MGAT3: variants seen among roughly 807,000 people sequenced by gnomAD.
MGAT3 encodes the protein beta-1,4-mannosyl-glycoprotein 4-beta-N-acetylglucosaminyltransferase.
MGAT3 carries 9 observed loss-of-function variants against 29.8 expected under a neutral mutation model. That is an observed-to-expected ratio of 0.30 (90% CI 0.18 to 0.53). The LOEUF is 0.53. Ranked by LOEUF, MGAT3 falls within the 20% of genes least tolerant of loss-of-function variation. The pLI is 0.96. For missense variants in MGAT3, 557 were observed against 769.5 expected, an observed-to-expected ratio of 0.72 and a Z score of 3.27; for synonymous variants, 397 against 348.9, an observed-to-expected ratio of 1.14 and a Z score of -1.54.
At position 39,457,907 on chromosome 22, in the gene MGAT3, C is replaced by T. The variant is rs1928383129; in HGVS notation, c.-2+350C>T. 6.6e-6 allele frequency among the ~76,000 whole-genome samples: 1 copy of T among 151,674 alleles called. No individual in the cohort carries two copies. The highest frequency in any genetic ancestry group is 2.4e-5 in the African/African-American group (1 of 41,380). On this transcript the variant is annotated intron_variant, in intron 1 of 1. Transcript: ENST00000341184. This position sits in a 1 kb window ranked among gnomAD's most constrained non-coding sequence, Gnocchi z 6.8. ...TGCTTTGTGCGCGGCACCCCCCAGC[C>T]TCCGGCGCGGCTCCCCCACAACCTC...
At chr22:39,469,383 A>G (rs1928745503) in intron 1 of MGAT3, among the ~76,000 whole-genome samples, 1 of 152,138 alleles carries the variant, frequency 6.6e-6, no homozygotes. Context: ...CCCAAAGCCC[A>G]TGCCCACTGC....
rs987117616 is a variant in MGAT3, at chr22:39,457,520, C to CGCT, written c.-33_-31dup. On this transcript the variant is annotated 5_prime_UTR_variant, in exon 1 of 2. Coordinates refer to ENST00000341184, the MANE Select transcript of MGAT3 (RefSeq NM_002409.5). The surrounding 1 kb of genome is among the most constrained non-coding windows in gnomAD (Gnocchi z 6.8). ...CCGGGGGCCGCGGAGCCGCCGCCGC[C>CGCT]GCTGCTGCCGCCGTTGCTGAGACCC... The CGCT allele has an allele frequency of 2.1e-4, 32 of 150,288 alleles. No individual in the cohort carries two copies. Among genetic ancestry groups the CGCT allele is most frequent in the African/African-American group, 7.3e-4 (30 of 41,208 alleles). 9.3% of individuals were successfully genotyped at this position (150,288 alleles called of 1,614,324 possible). A position where few individuals can be genotyped will look rare whatever the true frequency, so the allele number is the denominator to read the frequency against.
chr22:39,489,250 C>G lies in MGAT3; in HGVS notation c.*301C>G, dbSNP rs73420207. ...AGTGTGCGTGGTGGTCCCTGGGTAG[C>G]GGGGGAGGGTAGGCAGGATTGGGGA... is the stretch of plus-strand genomic sequence containing the variant. On this transcript the variant is annotated 3_prime_UTR_variant, in exon 2 of 2. Transcript: ENST00000341184. The G allele has an allele frequency of 2.4e-6, 1 of 411,138 alleles. No individual in the cohort carries two copies. The highest frequency in any genetic ancestry group is 4.5e-6 in the Non-Finnish European group (1 of 220,722). The allele number at this position is 411,138 out of a possible 1,614,324, so 25.5% of individuals were successfully genotyped here.
At position 39,488,200 on chromosome 22, in the gene MGAT3, G is replaced by A. The variant is rs779690288; in HGVS notation, c.853G>A (p.Gly285Ser). The A allele has an allele frequency of 3.1e-6, 5 of 1,612,674 alleles. No individual in the cohort carries two copies. The highest frequency in any genetic ancestry group is 4.2e-6 in the Non-Finnish European group (5 of 1,179,940). The change falls in exon 2 of 2, where the codon GGC becomes AGC. Residue 285 changes from glycine (G) to serine (S), a missense_variant. Gly to Ser is a moderately conservative substitution (Grantham distance 56). Around this residue, in one of 3 missense-constraint regions of MGAT3, gnomAD observed 243 missense variants for 444.0 expected, o/e 0.55. Transcript: ENST00000341184. ...DHFPPGGRQD[G>S]WIADDYLRTF... Reference sequence around the variant, plus strand: ...CTTCCCGCCCGGCGGCCGGCAGGACGGCTGGATCGCCGACGACTACCTGCG... The same window carrying A: ...CTTCCCGCCCGGCGGCCGGCAGGACAGCTGGATCGCCGACGACTACCTGCG...
Position 39,488,260 on chromosome 22 carries a change from C to G in MGAT3, c.913C>G (p.Arg305Gly). The change falls in exon 2 of 2, where the codon CGC becomes GGC. Residue 305 changes from arginine (R) to glycine (G), a missense_variant. This residue lies in a region of MGAT3 where 243 missense variants were observed against 444.0 expected (regional missense o/e 0.55). Coordinates refer to ENST00000341184, the MANE Select transcript of MGAT3 (RefSeq NM_002409.5). ...FLTQDGVSRL[R>G]NLRPDDVFII... The stretch of plus-strand genomic sequence containing the variant: ...CACCCAGGACGGCGTCTCGCGGCTG[C>G]GCAACCTGCGGCCCGACGACGTCTT... 6.2e-7 allele frequency: 1 copy of G among 1,611,440 alleles called. No individual in the cohort carries two copies. Among genetic ancestry groups the G allele is most frequent in the Non-Finnish European group, 8.5e-7 (1 of 1,179,886 alleles).
At chr22:39,463,971 C>G (rs1928566677) in intron 1 of MGAT3, among the ~76,000 whole-genome samples, 1 of 151,750 alleles carries the variant, frequency 6.6e-6, no homozygotes. Context: ...CTGTGCATTC[C>G]AAGAGCCAGT....
At chr22:39,480,551 C>T (rs753044672) in intron 1 of MGAT3, among the ~76,000 whole-genome samples, 1 of 152,180 alleles carries the variant, frequency 6.6e-6, no homozygotes, top group Non-Finnish European at 1.5e-5. Context: ...TATCCCACCC[C>T]GCCCATCCCT....
intron 1 of MGAT3, among the ~76,000 whole-genome samples, chr22:39,469,947 G>A (rs1928761937): frequency 6.6e-6 from 1 of 152,242 alleles, no homozygotes; most frequent in African/African-American, 2.4e-5. Context: ...CTTGCAGGCT[G>A]GGCCTGCACC....
chr22:39,472,352 C>G (rs890925688), intron 1 of MGAT3, among the ~76,000 whole-genome samples: 2 of 152,202 alleles, frequency 1.3e-5, no homozygotes, highest in African/African-American at 4.8e-5. Context: ...TCCCGCCGTG[C>G]CGAGAGTGTA....
chr22:39,468,371 A>G (rs1162872050), intron 1 of MGAT3, among the ~76,000 whole-genome samples: 2 of 152,184 alleles, frequency 1.3e-5, no homozygotes, highest in Non-Finnish European at 2.9e-5. Context: ...GGCATGAGGC[A>G]GTGAACACAC....
In MGAT3 at chr22:39,491,853, C is replaced by T. The variant is rs896109399; in HGVS notation, c.*2904C>T. On this transcript the variant is annotated 3_prime_UTR_variant, in exon 2 of 2. Coordinates refer to ENST00000341184, the MANE Select transcript of MGAT3 (RefSeq NM_002409.5). The surrounding 1 kb of genome is among the most constrained non-coding windows in gnomAD (Gnocchi z 5.5). The stretch of plus-strand genomic sequence containing the variant: ...TCCCCGGGAATAACTGGCCCTGAGA[C>T]CCCTAGACCCAAGGAGGCCTGTCCA... 1 of 167,030 alleles carries T rather than the reference C, an allele frequency of 6.0e-6. No homozygotes were observed. The highest frequency in any genetic ancestry group is 2.4e-5 in the African/African-American group (1 of 41,408). 10.3% of individuals were successfully genotyped at this position (167,030 alleles called of 1,614,324 possible).
At chr22:39,479,339 C>T (rs966623037) in intron 1 of MGAT3, among the ~76,000 whole-genome samples, 1 of 152,186 alleles carries the variant, frequency 6.6e-6, no homozygotes, top group African/African-American at 2.4e-5. Flanking sequence ...AAAGACAAAA[C>T]CCTGTCTAAA....
intron 1 of MGAT3, among the ~76,000 whole-genome samples, chr22:39,478,150 C>T (rs1348451157): frequency 3.9e-5 from 6 of 152,240 alleles, no homozygotes; most frequent in South Asian, 2.1e-4. Flanking sequence ...CGGGCTTCAG[C>T]GCGAAGCCCT....
intron 1 of MGAT3, among the ~76,000 whole-genome samples, chr22:39,476,302 A>G (rs73418475): frequency 0.021 from 3,194 of 152,264 alleles, 109 homozygotes; most frequent in African/African-American, 0.073. Context: ...TGACTCCATG[A>G]GGCCCAGACT....
intron 1 of MGAT3, among the ~76,000 whole-genome samples, chr22:39,479,011 G>A (rs1271458219): frequency 6.6e-6 from 1 of 152,242 alleles, no homozygotes; most frequent in African/African-American, 2.4e-5. Context: ...TCACCTGGCT[G>A]CCAGGAAGCA....
intron 1 of MGAT3, among the ~76,000 whole-genome samples, chr22:39,484,523 C>G (rs1481964873): frequency 6.6e-6 from 1 of 152,080 alleles, no homozygotes; most frequent in African/African-American, 2.4e-5. Flanking sequence ...CAGGTGCCCA[C>G]CACCATGACT....
chr22:39,467,691 T>C (rs540363455), intron 1 of MGAT3, among the ~76,000 whole-genome samples: 2 of 151,552 alleles, frequency 1.3e-5, no homozygotes, highest in African/African-American at 4.8e-5. Context: ...ATTTCGTTTC[T>C]TTTCTTTCAG....
At position 39,490,508 on chromosome 22, in the gene MGAT3, C is replaced by A; in HGVS notation, c.*1559C>A. The A allele has an allele frequency of 6.0e-6, 1 of 167,430 alleles. No homozygotes were observed. The allele number at this position is 167,430 out of a possible 1,614,324, so 10.4% of individuals were successfully genotyped here. On this transcript the variant is annotated 3_prime_UTR_variant, in exon 2 of 2. Coordinates refer to ENST00000341184, the MANE Select transcript of MGAT3 (RefSeq NM_002409.5). Reference sequence around the variant, plus strand: ...AGAGGGGGAGGGAGCAGCAATAACTCAGTCGTCGGATCCAGCTCTCATTGT... The same window carrying A: ...AGAGGGGGAGGGAGCAGCAATAACTAAGTCGTCGGATCCAGCTCTCATTGT...
intron 1 of MGAT3, among the ~76,000 whole-genome samples, chr22:39,465,150 C>T (rs1050984125): frequency 3.3e-5 from 5 of 152,230 alleles, no homozygotes; most frequent in Non-Finnish European, 7.3e-5. Flanking sequence ...CTACGCTGGC[C>T]TCTGACCTGG....
Sources: allele counts gnomAD v4.1 joint callset (sites outside exome capture counted in the v4.1 genomes callset), GRCh38; gene constraint gnomAD v4.1.1; regional missense constraint gnomAD v4.1.1; non-coding constraint Gnocchi (gnomAD v3.1); transcripts MANE v1.5; gene names NCBI Gene and HGNC (gene_info 2026-07-23, HGNC 2026-07-21).